Variants in IDH2 observed in about 807,000 individuals in gnomAD.
IDH2 encodes isocitrate dehydrogenase [NADP], mitochondrial.
In IDH2, 18 loss-of-function variants were observed where a neutral mutation model predicts 50.5. The observed-to-expected ratio is 0.36, with a 90% CI of 0.25 to 0.53. The LOEUF is 0.53. Ranked by LOEUF, IDH2 falls within the 20% of genes least tolerant of loss-of-function variation. The pLI is 0.92. For missense variants in IDH2, 518 were observed against 610.7 expected (o/e 0.85, Z 1.60); for synonymous variants, 280 against 239.8 (o/e 1.17, Z -1.55).
intron 1 of IDH2, among the ~76,000 whole-genome samples, chr15:90,101,892 G>A (rs983231351): frequency 2.6e-5 from 4 of 151,960 alleles, no homozygotes; most frequent in Non-Finnish European, 4.4e-5. Flanking sequence ...AGCGCGCGGG[G>A]TGCTCCAGCC....
Position 90,087,179 on chromosome 15 carries a change from A to G in IDH2, c.900T>C (p.Ser300=). The change falls in exon 7 of 11, where the codon TCT becomes TCC. Residue 300 remains serine (S), a synonymous_variant. Transcript: ENST00000330062. ...IDDMVAQVLK[S]SGGFVWACKN... ...TGCAGGCCCACACAAAGCCACCCGA[A>G]GACTTGAGGACCTGAGCCACCATGT... 1 of 1,614,096 alleles carries G rather than the reference A, an allele frequency of 6.2e-7. No homozygotes were observed. Among genetic ancestry groups the G allele is most frequent in the Non-Finnish European group, 8.5e-7 (1 of 1,180,012 alleles).
In IDH2 at chr15:90,085,304, C is replaced by T. The variant is rs745389409; in HGVS notation, c.1051G>A (p.Val351Ile). The change falls in exon 8 of 11, where the codon GTC becomes ATC. Residue 351 changes from valine (V) to isoleucine (I), a missense_variant. Val to Ile is a conservative substitution (Grantham distance 29). Around this residue, in one of 5 missense-constraint regions of IDH2, gnomAD observed 135 missense variants for 167.6 expected, o/e 0.81. Coordinates refer to ENST00000330062, the MANE Select transcript of IDH2 (RefSeq NM_002168.4). The surrounding 1 kb of genome is among the most constrained non-coding windows in gnomAD (Gnocchi z 5.5). Reference protein sequence around the residue: ...TIEAEAAHGTVTRHYREHQKG... With the variant: ...TIEAEAAHGTITRHYREHQKG... ...TGGTGCTCCCGATAGTGGCGGGTGA[C>T]GGTCCCATGAGCGGCCTCAGCCTCA... 9 of 1,550,580 alleles carry T rather than the reference C, an allele frequency of 5.8e-6. No individual in the cohort carries two copies. Among genetic ancestry groups the T allele is most frequent in the African/African-American group, 1.4e-5 (1 of 73,146 alleles).
At chr15:90,090,339 G>A in intron 3 of IDH2, 140 bp downstream of exon 3, 2 of 900,292 alleles carry the variant, frequency 2.2e-6, no homozygotes, top group Non-Finnish European at 3.5e-6. Flanking sequence ...GTTGGCCTCA[G>A]GAAAGCCCCA....
At position 90,091,587 on chromosome 15, in the gene IDH2, A is replaced by T; in HGVS notation, c.173T>A (p.Met58Lys). 4.3e-6 allele frequency: 7 copies of T among 1,614,180 alleles called. No individual in the cohort carries two copies. Among genetic ancestry groups the T allele is most frequent in the Non-Finnish European group, 5.9e-6 (7 of 1,180,008 alleles). Residue 58 changes from methionine (M) to lysine (K), a missense_variant, in exon 2 of 11, where the codon ATG becomes AAG. Met to Lys is a moderately conservative substitution (Grantham distance 95, BLOSUM62 -1). Coordinates refer to ENST00000330062, the MANE Select transcript of IDH2 (RefSeq NM_002168.4). ...GATGAACTGCCAGATAATACGGGTCATCTCATCACCATCCATCTCCACCAC... is the reference window on the plus strand; with the variant it reads ...GATGAACTGCCAGATAATACGGGTCTTCTCATCACCATCCATCTCCACCAC... ...KPVVEMDGDE[M>K]TRIIWQFIKE... is the part of the protein sequence containing the mutation.
At position 90,100,607 on chromosome 15, in the gene IDH2, A is replaced by G. The variant is rs1901303724; in HGVS notation, c.115+1669T>C. The G allele has an allele frequency of 1.0e-6, 1 of 985,276 alleles. No individual in the cohort carries two copies. Among genetic ancestry groups the G allele is most frequent in the South Asian group, 4.7e-5 (1 of 21,288 alleles). The allele number at this position is 985,276 out of a possible 1,614,324, so 61.0% of individuals were successfully genotyped here. On this transcript the variant is annotated intron_variant, in intron 1 of 10. Coordinates refer to ENST00000330062, the MANE Select transcript of IDH2 (RefSeq NM_002168.4). This position sits in a 1 kb window ranked among gnomAD's most constrained non-coding sequence, Gnocchi z 4.1. The stretch of plus-strand genomic sequence containing the variant: ...CATCACCAGCAGTCGCTGGAAGCCT[A>G]TGGCGTTGCAAAATAGGAAAAGATG...
Position 90,084,798 on chromosome 15 carries a change from C to A in IDH2, c.1271+18G>T. ...CCCACATGGCCCCAGGGTCTGCCTA[C>A]CACCCCAGGCCACGCACTTGCTGAG... On this transcript the variant is annotated intron_variant, in intron 10 of 10. Transcript: ENST00000330062. The surrounding 1 kb of genome is among the most constrained non-coding windows in gnomAD (Gnocchi z 5.0). 1 of 1,605,958 alleles carries A rather than the reference C, an allele frequency of 6.2e-7. No individual in the cohort carries two copies. The highest frequency in any genetic ancestry group is 8.5e-7 in the Non-Finnish European group (1 of 1,173,686).
rs11316815 is a variant in IDH2, at chr15:90,091,452, CG to C, written c.207+100del. On this transcript the variant is annotated intron_variant, in intron 2 of 10. Transcript: ENST00000330062. ...GAGCTGCTGCTGCCTACCAGGACAA[CG>C]GGGGGGTCCTAGGGACCTGCAGTCC... The C allele has an allele frequency of 0.56, 479,050 of 861,680 alleles. 137,578 individuals carry two copies. The highest frequency in any genetic ancestry group is 0.73 in the African/African-American group (44,330 of 60,472). 53.4% of individuals were successfully genotyped at this position (861,680 alleles called of 1,614,324 possible). A position where few individuals can be genotyped will look rare whatever the true frequency, so the allele number is the denominator to read the frequency against.
chr15:90,094,711 G>A (rs1215824677), intron 1 of IDH2, among the ~76,000 whole-genome samples: 3 of 152,152 alleles, frequency 2.0e-5, no homozygotes, highest in African/African-American at 7.2e-5. Flanking sequence ...TTCAAGACCA[G>A]CCTGGCCAAC....
rs1291028374 is a variant in IDH2, at chr15:90,084,226, G to T, written c.*40C>A. On this transcript the variant is annotated 3_prime_UTR_variant, in exon 11 of 11. Coordinates refer to ENST00000330062, the MANE Select transcript of IDH2 (RefSeq NM_002168.4). The surrounding 1 kb of genome is among the most constrained non-coding windows in gnomAD (Gnocchi z 5.0). The stretch of plus-strand genomic sequence containing the variant: ...GCGCTCAGGAGGACCCGCCGGCTCA[G>T]CCCTGGCCCCTCCACTGCAGCCATG... The T allele has an allele frequency of 4.4e-6, 7 of 1,574,438 alleles. No individual in the cohort carries two copies. Among genetic ancestry groups the T allele is most frequent in the Middle Eastern group, 3.7e-4 (2 of 5,356 alleles).
chr15:90,089,296 T>A (rs1386606362), intron 3 of IDH2, among the ~76,000 whole-genome samples: 1 of 152,160 alleles, frequency 6.6e-6, no homozygotes, highest in Admixed American at 6.5e-5. Context: ...ATAACCAGCC[T>A]AAGTGTTGTC....
chr15:90,083,661 G>A lies in IDH2; in HGVS notation c.*605C>T. The stretch of plus-strand genomic sequence containing the variant: ...GAAAGTGGCCTGGAGATGTTTAGAA[G>A]GTTAAAACCAACGAAGAAAAAAATC... On this transcript the variant is annotated 3_prime_UTR_variant, in exon 11 of 11. Coordinates refer to ENST00000330062, the MANE Select transcript of IDH2 (RefSeq NM_002168.4). 6.1e-6 allele frequency: 1 copy of A among 162,728 alleles called. No individual in the cohort carries two copies. Among genetic ancestry groups the A allele is most frequent in the Non-Finnish European group, 1.4e-5 (1 of 73,976 alleles). 10.1% of individuals were successfully genotyped at this position (162,728 alleles called of 1,614,324 possible).
intron 7 of IDH2, 66 bp downstream of exon 7, chr15:90,087,046 A>G: frequency 3.8e-6 from 6 of 1,575,930 alleles, no homozygotes; most frequent in Non-Finnish European, 5.2e-6. Context: ...AAAGGGTCTG[A>G]AAATCCCTCC....
intron 1 of IDH2, among the ~76,000 whole-genome samples, chr15:90,097,857 C>CA (rs1278804509): frequency 2.0e-5 from 3 of 151,642 alleles, no homozygotes; most frequent in African/African-American, 4.8e-5. Context: ...TTAAACCAGT[C>CA]AAAAAAAATC....
At chr15:90,093,210 AG>A (rs35717725) in intron 1 of IDH2, among the ~76,000 whole-genome samples, 43,941 of 152,154 alleles carry the variant, frequency 0.29, 6,529 homozygotes, top group Middle Eastern at 0.31. Flanking sequence ...GTTTAGAGTC[AG>A]GGTCTCTTTA....
At position 90,083,054 on chromosome 15, in the gene IDH2, T is replaced by G. The variant is rs1000394932; in HGVS notation, c.*1212A>C. ...ATGCAGAGGACAGTCCTTTTGATTATATGTAGCTTTAGAGCAACTTTTATT... is the reference window on the plus strand; with the variant it reads ...ATGCAGAGGACAGTCCTTTTGATTAGATGTAGCTTTAGAGCAACTTTTATT... On this transcript the variant is annotated 3_prime_UTR_variant, in exon 11 of 11. Coordinates refer to ENST00000330062, the MANE Select transcript of IDH2 (RefSeq NM_002168.4). 6.6e-5 allele frequency: 10 copies of G among 151,772 alleles called. No homozygotes were observed. Among genetic ancestry groups the G allele is most frequent in the African/African-American group, 2.4e-4 (10 of 41,318 alleles). 9.4% of individuals were successfully genotyped at this position (151,772 alleles called of 1,614,324 possible).
Position 90,084,796 on chromosome 15 carries a change from T to C in IDH2, c.1271+20A>G, listed in dbSNP as rs2151546495. 1 of 1,605,362 alleles carries C rather than the reference T, an allele frequency of 6.2e-7. No homozygotes were observed. The highest frequency in any genetic ancestry group is 8.5e-7 in the Non-Finnish European group (1 of 1,173,280). On this transcript the variant is annotated intron_variant, in intron 10 of 10. Transcript: ENST00000330062. This position sits in a 1 kb window ranked among gnomAD's most constrained non-coding sequence, Gnocchi z 5.0. ...CTCCCACATGGCCCCAGGGTCTGCC[T>C]ACCACCCCAGGCCACGCACTTGCTG...
chr15:90,094,024 C>T (rs1332834757), intron 1 of IDH2, among the ~76,000 whole-genome samples: 2 of 152,156 alleles, frequency 1.3e-5, no homozygotes, highest in East Asian at 3.9e-4. Context: ...GACTCTGACC[C>T]TATTCAACAG....
chr15:90,091,500 C>T, intron 2 of IDH2, 53 bp downstream of exon 2: 1 of 1,408,990 alleles, frequency 7.1e-7, no homozygotes, highest in Non-Finnish European at 1.0e-6. Flanking sequence ...TGGGACAGAA[C>T]AATCCCTGGC....
chr15:90,095,192 G>A (rs905109269), intron 1 of IDH2, among the ~76,000 whole-genome samples: 4 of 152,132 alleles, frequency 2.6e-5, no homozygotes, highest in Non-Finnish European at 4.4e-5. Flanking sequence ...GCAGCCTCTG[G>A]AAGACCCGTG....
Sources: gnomAD v4.1 joint callset for allele counts (sites outside exome capture counted in the v4.1 genomes callset) on GRCh38, gnomAD v4.1.1 for gene constraint, gnomAD v4.1.1 regional missense constraint, Gnocchi (gnomAD v3.1) non-coding constraint, MANE v1.5 for transcripts, NCBI Gene and HGNC (gene_info 2026-07-23, HGNC 2026-07-21) for gene names.